NRBP2: variants seen among roughly 807,000 people sequenced by gnomAD.
The protein encoded by NRBP2 is nuclear receptor binding protein 2.
NRBP2 carries 47 observed loss-of-function variants against 74.4 expected under a neutral mutation model. The ratio of observed to expected loss-of-function variants is 0.63; its 90% CI spans 0.50 to 0.81. The LOEUF (loss-of-function observed/expected upper bound fraction) is 0.81, where lower values mean the gene tolerates loss of function less well. Ranked by LOEUF, NRBP2 falls within the 30% of genes least tolerant of loss-of-function variation. The probability of loss-of-function intolerance (pLI) is 0.00; values close to 1 mark genes in which losing one functional copy is unlikely to be tolerated. For missense variants in NRBP2, 613 were observed against 690.1 expected (o/e 0.89, Z 1.25); for synonymous variants, 312 against 273.8 (o/e 1.14, Z -1.38).
rs1052328477 is a variant in NRBP2 at position 143,838,895 on chromosome 8, C to T, written c.732G>A (p.Met244Ile). ...GCGGGGGCAGTACCTCCAGCGCACACATCCCAAAGGAGAAGATGTCCACAG... is the reference window on the plus strand; with the variant it reads ...GCGGGGGCAGTACCTCCAGCGCACATATCCCAAAGGAGAAGATGTCCACAG... ...GTAVDIFSFG[M>I]CALEMAVLEI... The change falls in exon 9 of 18, where the codon ATG (methionine) becomes ATA (isoleucine). Residue 244 changes from methionine (M) to isoleucine (I), a missense_variant. Coordinates refer to ENST00000442628, the MANE Select transcript of NRBP2 (RefSeq NM_178564.4). The T allele has an allele frequency of 6.2e-7, 1 of 1,612,856 alleles. No homozygotes were observed. The highest frequency in any genetic ancestry group is 1.3e-5 in the African/African-American group (1 of 74,924).
At position 143,836,184 on chromosome 8, in the gene NRBP2, C is replaced by A. The variant is rs1818373396; in HGVS notation, c.1264-4G>T. 6.5e-7 allele frequency: 1 copy of A among 1,549,858 alleles called. No individual in the cohort carries two copies. The highest frequency in any genetic ancestry group is 8.7e-7 in the Non-Finnish European group (1 of 1,155,332). On this transcript the variant is annotated splice_region_variant and splice_polypyrimidine_tract_variant and intron_variant, in intron 14 of 17. Coordinates refer to ENST00000442628, the MANE Select transcript of NRBP2 (RefSeq NM_178564.4). ...GGTTGCACTGCATCTGGATGACCTG[C>A]AGCGGGGGAAGGCTGGGACTCACAA...
rs144488751 is a variant in NRBP2 at position 143,839,831 on chromosome 8, C to T, written c.355-6G>A. Reference sequence around the variant, plus strand: ...TACTCTGTGATGAAGATGACCTGCACGGTGCGAGCTCAGGATTTCCACCAG... The same window carrying T: ...TACTCTGTGATGAAGATGACCTGCATGGTGCGAGCTCAGGATTTCCACCAG... On this transcript the variant is annotated splice_region_variant and splice_polypyrimidine_tract_variant and intron_variant, in intron 3 of 17. Transcript: ENST00000442628. The surrounding 1 kb of genome is among the most constrained non-coding windows in gnomAD (Gnocchi z 5.1). 2.6e-6 allele frequency: 4 copies of T among 1,536,044 alleles called. No individual in the cohort carries two copies. Among genetic ancestry groups the T allele is most frequent in the African/African-American group, 1.4e-5 (1 of 73,172 alleles).
rs782100258 is a variant in NRBP2 at position 143,836,033 on chromosome 8, G to A, written c.1318-3C>T. The A allele has an allele frequency of 1.3e-6, 2 of 1,568,872 alleles. No homozygotes were observed. Among genetic ancestry groups the A allele is most frequent in the Non-Finnish European group, 1.7e-6 (2 of 1,158,886 alleles). ...TCCAGCACCAGAAGCAGAGTGAGCTGGGGAGGCGGCGGGGCGTGGTCGGCT... is the reference window on the plus strand; with the variant it reads ...TCCAGCACCAGAAGCAGAGTGAGCTAGGGAGGCGGCGGGGCGTGGTCGGCT... On this transcript the variant is annotated splice_polypyrimidine_tract_variant and splice_region_variant and intron_variant, in intron 15 of 17. Transcript: ENST00000442628.
In NRBP2 at chr8:143,835,614, C is replaced by T; in HGVS notation, c.*48G>A. Reference sequence around the variant, plus strand: ...GGTGCTGGAGTCTCCCCAACATGGCCTGCCCAGGCAGCACCCCGGCATGGT... The same window carrying T: ...GGTGCTGGAGTCTCCCCAACATGGCTTGCCCAGGCAGCACCCCGGCATGGT... On this transcript the variant is annotated 3_prime_UTR_variant, in exon 18 of 18. Transcript: ENST00000442628. The surrounding 1 kb of genome is among the most constrained non-coding windows in gnomAD (Gnocchi z 4.9). 1 of 1,481,480 alleles carries T rather than the reference C, an allele frequency of 6.8e-7. No individual in the cohort carries two copies. The highest frequency in any genetic ancestry group is 1.4e-5 in the African/African-American group (1 of 70,842). The allele number at this position is 1,481,480 out of a possible 1,614,324, so 91.8% of individuals were successfully genotyped here.
rs1357921763 is a variant in NRBP2, at chr8:143,839,289, C to G, written c.580+25G>C. 7.1e-6 allele frequency: 11 copies of G among 1,539,900 alleles called. No individual in the cohort carries two copies. The highest frequency in any genetic ancestry group is 5.5e-5 in the African/African-American group (4 of 73,226). On this transcript the variant is annotated intron_variant, in intron 6 of 17. Transcript: ENST00000442628. The surrounding 1 kb of genome is among the most constrained non-coding windows in gnomAD (Gnocchi z 5.1). ...AGGCACCTTCCCCTGCCCCGTTCCC[C>G]CACCCAGCCCTGCCCCGCCAGCACC...
Position 143,837,345 on chromosome 8 carries a change from G to A in NRBP2, c.1077-46C>T, listed in dbSNP as rs931324812. Reference sequence around the variant, plus strand: ...ACATGAGGGGCTGGCCGGGGCGAGGGGAGGGGAGGTGCGGGGAGGGGAGGT... The same window carrying A: ...ACATGAGGGGCTGGCCGGGGCGAGGAGAGGGGAGGTGCGGGGAGGGGAGGT... On this transcript the variant is annotated intron_variant, in intron 12 of 17. Transcript: ENST00000442628. This position sits in a 1 kb window ranked among gnomAD's most constrained non-coding sequence, Gnocchi z 4.3. 4 of 1,571,124 alleles carry A rather than the reference G, an allele frequency of 2.5e-6. No individual in the cohort carries two copies. Among genetic ancestry groups the A allele is most frequent in the East Asian group, 2.3e-5 (1 of 43,984 alleles).
Position 143,840,300 on chromosome 8 carries a change from C to T in NRBP2, c.130-71G>A. 6.6e-7 allele frequency: 1 copy of T among 1,515,510 alleles called. No individual in the cohort carries two copies. The highest frequency in any genetic ancestry group is 8.8e-7 in the Non-Finnish European group (1 of 1,133,902). 93.9% of individuals were successfully genotyped at this position (1,515,510 alleles called of 1,614,324 possible). On this transcript the variant is annotated intron_variant, in intron 1 of 17. Transcript: ENST00000442628. The surrounding 1 kb of genome is among the most constrained non-coding windows in gnomAD (Gnocchi z 5.7). ...TTGTGGGTGAGGATTTGGTCCCTGT[C>T]CACACCTTTCCAGTGGGCCCAAGCG... is the stretch of plus-strand genomic sequence containing the variant.
chr8:143,839,187 G>A lies in NRBP2; in HGVS notation c.589C>T (p.Arg197Ter). The change falls in exon 7 of 18, where the codon CGA becomes TGA. Residue 197 changes from arginine to a stop codon, truncating the protein, a stop_gained. Transcript: ENST00000442628. LOFTEE classifies it high-confidence loss of function. This position sits in a 1 kb window ranked among gnomAD's most constrained non-coding sequence, Gnocchi z 5.1. ...GLIKIGSVWH[R>*]IFSNALPDDL... The stretch of plus-strand genomic sequence containing the variant: ...CCGCACTTACCATTGGAGAAGATTC[G>A]GTGCCACACTGCCAAGGGGCGGGAG... 1.3e-6 allele frequency: 2 copies of A among 1,528,490 alleles called. No individual in the cohort carries two copies. The highest frequency in any genetic ancestry group is 1.8e-6 in the Non-Finnish European group (2 of 1,141,680). 94.7% of individuals were successfully genotyped at this position (1,528,490 alleles called of 1,614,324 possible). A position where few individuals can be genotyped will look rare whatever the true frequency, so the allele number is the denominator to read the frequency against.
chr8:143,836,551 G>T (rs1554651828), intron 14 of NRBP2, among the ~76,000 whole-genome samples: 1 of 152,060 alleles, frequency 6.6e-6, no homozygotes, highest in Non-Finnish European at 1.5e-5. Flanking sequence ...GCAGCCAGGA[G>T]CAGGCAGTTT....
At chr8:143,831,444 C>T (rs1336234813), downstream of NRBP2, among the ~76,000 whole-genome samples, 1 of 152,130 alleles carries the variant, frequency 6.6e-6, no homozygotes, top group Non-Finnish European at 1.5e-5. Flanking sequence ...AGTGAGGCCA[C>T]GTCTCTACAA....
chr8:143,832,027 CTG>C (rs1211511772), downstream of NRBP2, among the ~76,000 whole-genome samples: 1 of 152,226 alleles, frequency 6.6e-6, no homozygotes, highest in Non-Finnish European at 1.5e-5. Flanking sequence ...GTTACTGTGT[CTG>C]TGTAGAAAGT....
downstream of NRBP2, among the ~76,000 whole-genome samples, chr8:143,832,801 A>G (rs1310942748): frequency 6.6e-6 from 1 of 152,230 alleles, no homozygotes; most frequent in African/African-American, 2.4e-5. Flanking sequence ...AAGGGAACTC[A>G]GAGGCTGGCG....
At chr8:143,832,637 C>G (rs1370639292), downstream of NRBP2, among the ~76,000 whole-genome samples, 1 of 152,220 alleles carries the variant, frequency 6.6e-6, no homozygotes, top group Non-Finnish European at 1.5e-5. Flanking sequence ...TATGTGTATG[C>G]ATATCTAAAA....
Position 143,837,405 on chromosome 8 carries a change from A to G in NRBP2, c.1076+2T>C, listed in dbSNP as rs1401227267. 1.3e-6 allele frequency: 2 copies of G among 1,589,844 alleles called. No individual in the cohort carries two copies. Among genetic ancestry groups the G allele is most frequent in the African/African-American group, 2.7e-5 (2 of 74,544 alleles). On this transcript the variant is annotated splice_donor_variant, in intron 12 of 17. Transcript: ENST00000442628. LOFTEE classifies it high-confidence loss of function. The surrounding 1 kb of genome is among the most constrained non-coding windows in gnomAD (Gnocchi z 4.3). ...GGAGGCTTCTGGGTGCTGACTGCTC[A>G]CCGCCACTGCAGCGGGGGCCTGCGG...
rs1818277531 is a variant in NRBP2, at chr8:143,834,530, A to C, written c.*1132T>G. 6.6e-6 allele frequency: 1 copy of C among 152,204 alleles called. No individual in the cohort carries two copies. The highest frequency in any genetic ancestry group is 2.1e-4 in the South Asian group (1 of 4,834). The allele number at this position is 152,204 out of a possible 1,614,324, so 9.4% of individuals were successfully genotyped here. A position where few individuals can be genotyped will look rare whatever the true frequency, so the allele number is the denominator to read the frequency against. Reference sequence around the variant, plus strand: ...ACTTCCAGCCTACAGAATTGCAATAAATTTGTGTTAAGTCACTAAGTTTGT... The same window carrying C: ...ACTTCCAGCCTACAGAATTGCAATACATTTGTGTTAAGTCACTAAGTTTGT... On this transcript the variant is annotated 3_prime_UTR_variant, in exon 18 of 18. Coordinates refer to ENST00000442628, the MANE Select transcript of NRBP2 (RefSeq NM_178564.4).
At position 143,840,054 on chromosome 8, in the gene NRBP2, G is replaced by C; in HGVS notation, c.253-24C>G. On this transcript the variant is annotated intron_variant, in intron 2 of 17. Transcript: ENST00000442628. This position sits in a 1 kb window ranked among gnomAD's most constrained non-coding sequence, Gnocchi z 5.7. ...TCCTGGGGAGGGAGGGTGGTCGCTGGGTGGTCAGCAGGTGGTCACCCAAGC... is the reference window on the plus strand; with the variant it reads ...TCCTGGGGAGGGAGGGTGGTCGCTGCGTGGTCAGCAGGTGGTCACCCAAGC... 6.5e-7 allele frequency: 1 copy of C among 1,536,150 alleles called. No individual in the cohort carries two copies. The highest frequency in any genetic ancestry group is 8.7e-7 in the Non-Finnish European group (1 of 1,146,912).
downstream of NRBP2, among the ~76,000 whole-genome samples, chr8:143,832,435 A>G (rs1256891221): frequency 3.9e-5 from 6 of 152,220 alleles, no homozygotes; most frequent in African/African-American, 9.6e-5. Flanking sequence ...GAGGATTAGT[A>G]AAAGAGGAAG....
chr8:143,840,959 C>G lies in NRBP2; in HGVS notation c.-125G>C. 1 of 1,131,182 alleles carries G rather than the reference C, an allele frequency of 8.8e-7. No homozygotes were observed. The highest frequency in any genetic ancestry group is 1.1e-6 in the Non-Finnish European group (1 of 924,056). The allele number at this position is 1,131,182 out of a possible 1,614,324, so 70.1% of individuals were successfully genotyped here. On this transcript the variant is annotated 5_prime_UTR_variant, in exon 1 of 18. Transcript: ENST00000442628. This position sits in a 1 kb window ranked among gnomAD's most constrained non-coding sequence, Gnocchi z 5.7. Reference sequence around the variant, plus strand: ...CGCCGCGGCAGCCTAGAGCCCCAGCCCCGGCTCTGGGAATTGGGAGGCGCG... The same window carrying G: ...CGCCGCGGCAGCCTAGAGCCCCAGCGCCGGCTCTGGGAATTGGGAGGCGCG...
chr8:143,835,472 C>G lies in NRBP2; in HGVS notation c.*190G>C, dbSNP rs1010250952. ...TGGGAGGCCTAACGGCTCCCCCACA[C>G]CCACCCCCCAACCCCTCGGCGCCCA... On this transcript the variant is annotated 3_prime_UTR_variant, in exon 18 of 18. Coordinates refer to ENST00000442628, the MANE Select transcript of NRBP2 (RefSeq NM_178564.4). The surrounding 1 kb of genome is among the most constrained non-coding windows in gnomAD (Gnocchi z 4.9). The G allele has an allele frequency of 3.2e-5, 21 of 658,578 alleles. No individual in the cohort carries two copies. The highest frequency in any genetic ancestry group is 4.8e-5 in the Non-Finnish European group (18 of 372,366). 40.8% of individuals were successfully genotyped at this position (658,578 alleles called of 1,614,324 possible). A position where few individuals can be genotyped will look rare whatever the true frequency, so the allele number is the denominator to read the frequency against.
Sources: allele counts gnomAD v4.1 joint callset (sites outside exome capture counted in the v4.1 genomes callset), GRCh38; gene constraint gnomAD v4.1.1; non-coding constraint Gnocchi (gnomAD v3.1); transcripts MANE v1.5; gene names NCBI Gene and HGNC (gene_info 2026-07-23, HGNC 2026-07-21).